MAPK8: variants seen among roughly 807,000 people sequenced by gnomAD.
The protein encoded by MAPK8 is JUN N-terminal kinase.
Under a neutral mutation model 52.9 loss-of-function variants are expected in MAPK8, and 13 were observed. The observed-to-expected ratio is 0.25, with a 90% CI of 0.16 to 0.39. MAPK8 has a LOEUF of 0.39. Among genes scored for constraint, MAPK8 ranks in the 10% least tolerant of loss-of-function variants. The probability of loss-of-function intolerance (pLI) is 1.00; values close to 1 mark genes in which losing one functional copy is unlikely to be tolerated. For synonymous variants in MAPK8, 191 were observed against 169.8 expected (o/e 1.12, Z -0.97); for missense variants, 300 against 519.2 (o/e 0.58, Z 4.10).
At chr10:48,415,251 T>C (rs2043001494) in intron 5 of MAPK8, among the ~76,000 whole-genome samples, 1 of 152,188 alleles carries the variant, frequency 6.6e-6, no homozygotes, top group African/African-American at 2.4e-5. Context: ...TTTGGGTTGT[T>C]TGTTTCCTGA....
In MAPK8 at chr10:48,420,330, CA is replaced by C; in HGVS notation, c.616+11del. ...GGCTACAAGGAAAACGGTCAGCACACACATTTATTTGAAATATTTTTCTGAT... is the reference window on the plus strand; with the variant it reads ...GGCTACAAGGAAAACGGTCAGCACACCATTTATTTGAAATATTTTTCTGAT... On this transcript the variant is annotated intron_variant, in intron 6 of 11. Coordinates refer to ENST00000374189, the MANE Select transcript of MAPK8 (RefSeq NM_001323329.2). The C allele has an allele frequency of 6.4e-7, 1 of 1,561,360 alleles. No individual in the cohort carries two copies. Among genetic ancestry groups the C allele is most frequent in the Non-Finnish European group, 8.7e-7 (1 of 1,150,804 alleles).
At chr10:48,390,700 A>G (rs533724696) in intron 1 of MAPK8, among the ~76,000 whole-genome samples, 1 of 152,352 alleles carries the variant, frequency 6.6e-6, no homozygotes, top group South Asian at 2.1e-4. Flanking sequence ...GATATCACAG[A>G]AATAAACCTT....
intron 3 of MAPK8, among the ~76,000 whole-genome samples, chr10:48,408,908 G>A (rs770626713): frequency 1.6e-4 from 24 of 152,152 alleles, no homozygotes; most frequent in Non-Finnish European, 2.6e-4. Flanking sequence ...CCTTTCTTCA[G>A]TGTGTGCTCA....
chr10:48,390,014 C>T (rs1224319569), intron 1 of MAPK8, among the ~76,000 whole-genome samples: 1 of 152,066 alleles, frequency 6.6e-6, no homozygotes, highest in African/African-American at 2.4e-5. Context: ...TGGTGTAGCA[C>T]CAGTTTGAGT....
intron 1 of MAPK8, among the ~76,000 whole-genome samples, chr10:48,352,015 T>A (rs1021081502): frequency 6.6e-6 from 1 of 152,176 alleles, no homozygotes. Context: ...ATACTATTTT[T>A]AAAAATCTAC....
At chr10:48,410,318 C>A (rs903503042) in intron 5 of MAPK8, 150 bp downstream of exon 5, 12 of 549,450 alleles carry the variant, frequency 2.2e-5, no homozygotes, top group Non-Finnish European at 3.4e-5. Context: ...ATTTTCATTA[C>A]CCCCAAAAAA....
At chr10:48,391,097 G>GA (rs2041597646) in intron 1 of MAPK8, among the ~76,000 whole-genome samples, 1 of 152,182 alleles carries the variant, frequency 6.6e-6, no homozygotes, top group Non-Finnish European at 1.5e-5. Context: ...AAGGGAAAGG[G>GA]AAATGAACAA....
At chr10:48,363,164 C>T (rs1303501927) in intron 1 of MAPK8, among the ~76,000 whole-genome samples, 1 of 152,214 alleles carries the variant, frequency 6.6e-6, no homozygotes, top group Non-Finnish European at 1.5e-5. Context: ...CCTCACGCCT[C>T]AGCCTCCTGA....
chr10:48,315,271 A>G (rs1842381757), intron 1 of MAPK8, among the ~76,000 whole-genome samples: 1 of 152,164 alleles, frequency 6.6e-6, no homozygotes, highest in Admixed American at 6.5e-5. Flanking sequence ...AAAATTATGC[A>G]CAGCTAGATG....
chr10:48,397,808 A>G (rs528636649), intron 1 of MAPK8, among the ~76,000 whole-genome samples: 30 of 152,070 alleles, frequency 2.0e-4, no homozygotes, highest in African/African-American at 7.2e-4. Context: ...CCAGGCTGGT[A>G]TTGAACTCCT....
chr10:48,381,073 T>A (rs549154042), intron 1 of MAPK8, among the ~76,000 whole-genome samples: 2 of 152,184 alleles, frequency 1.3e-5, no homozygotes, highest in Non-Finnish European at 2.9e-5. Flanking sequence ...TACTATCTCC[T>A]GTTAACACTA....
At chr10:48,401,257 T>G (rs1186599208) in intron 1 of MAPK8, among the ~76,000 whole-genome samples, 1 of 152,222 alleles carries the variant, frequency 6.6e-6, no homozygotes, top group Non-Finnish European at 1.5e-5. Flanking sequence ...AATAAGCACA[T>G]GAGAAAGACT....
At chr10:48,366,617 A>C (rs1353873328) in intron 1 of MAPK8, among the ~76,000 whole-genome samples, 7 of 152,142 alleles carry the variant, frequency 4.6e-5, no homozygotes, top group Admixed American at 2.0e-4. Flanking sequence ...AACAGTATAA[A>C]AATAAGTTTT....
At chr10:48,344,392 G>C (rs1845573556) in intron 1 of MAPK8, among the ~76,000 whole-genome samples, 1 of 152,144 alleles carries the variant, frequency 6.6e-6, no homozygotes, top group African/African-American at 2.4e-5. Context: ...TGCCAGATTG[G>C]CCATCTGCTG....
chr10:48,411,777 T>G (rs1356786346), intron 5 of MAPK8, among the ~76,000 whole-genome samples: 1 of 152,012 alleles, frequency 6.6e-6, no homozygotes, highest in Non-Finnish European at 1.5e-5. Context: ...TTCCTTCTCT[T>G]CTTTTTTCTT....
At chr10:48,400,340 C>T (rs1182853919) in intron 1 of MAPK8, among the ~76,000 whole-genome samples, 2 of 152,040 alleles carry the variant, frequency 1.3e-5, no homozygotes, top group Non-Finnish European at 1.5e-5. Context: ...TTTATTTGTC[C>T]TCGGTTTTAC....
At chr10:48,385,989 C>T (rs2041289989) in intron 1 of MAPK8, among the ~76,000 whole-genome samples, 2 of 151,982 alleles carry the variant, frequency 1.3e-5, no homozygotes, top group Admixed American at 6.6e-5. Context: ...ATCATAATTA[C>T]GTTGCTAGCA....
chr10:48,394,813 C>CA (rs1418248774), intron 1 of MAPK8, among the ~76,000 whole-genome samples: 2 of 151,450 alleles, frequency 1.3e-5, no homozygotes, highest in South Asian at 2.1e-4. Context: ...TCCCAATACA[C>CA]AAAAAAAGCC....
intron 1 of MAPK8, among the ~76,000 whole-genome samples, chr10:48,340,773 A>G (rs918011695): frequency 2.3e-4 from 35 of 152,364 alleles, no homozygotes; most frequent in African/African-American, 7.9e-4. Context: ...AAACAAAAAC[A>G]TAAGAGGATC....
Sources: allele counts gnomAD v4.1 joint callset (sites outside exome capture counted in the v4.1 genomes callset), GRCh38; gene constraint gnomAD v4.1.1; transcripts MANE v1.5; gene names NCBI Gene and HGNC (gene_info 2026-07-23, HGNC 2026-07-21).